The following SCN2A variants were observed in gnomAD, a reference collection of about 807,000 sequenced individuals.
SCN2A encodes the protein sodium channel protein type 2 subunit alpha.
SCN2A carries 20 observed loss-of-function variants against 188.7 expected under a neutral mutation model. The observed-to-expected ratio is 0.11, with a 90% confidence interval of 0.07 to 0.15. The LOEUF (loss-of-function observed/expected upper bound fraction) is 0.15. Ranked by LOEUF, SCN2A falls within the 10% of genes least tolerant of loss-of-function variation. The probability of loss-of-function intolerance (pLI) is 1.00; values close to 1 mark genes in which losing one functional copy is unlikely to be tolerated. For missense variants in SCN2A, 1,278 were observed against 2,445.0 expected (o/e 0.52, Z 10.07); for synonymous variants, 804 against 833.1 (o/e 0.97, Z 0.60).
chr2:165,322,255 T>G (rs1190106037), intron 11 of SCN2A, among the ~76,000 whole-genome samples: 2 of 152,200 alleles, frequency 1.3e-5, no homozygotes, highest in East Asian at 3.9e-4. Flanking sequence ...CAGGATTTCA[T>G]GACCATCTTT....
At chr2:165,370,865 A>G (rs1182895492) in intron 20 of SCN2A, 2 of 155,606 alleles carry the variant, frequency 1.3e-5, no homozygotes, top group African/African-American at 4.8e-5. Context: ...GAGGGTTTTT[A>G]TATAATTGAA....
Position 165,391,406 on chromosome 2 carries a change from C to G in SCN2A, c.*1582C>G, listed in dbSNP as rs1039977248. On this transcript the variant is annotated 3_prime_UTR_variant, in exon 27 of 27. Transcript: ENST00000375437. ...AAGTTCATTTTATTTTATTTTTCAGCCTTTTGTACGTAAAATGAGAAATTA... is the reference window on the plus strand; with the variant it reads ...AAGTTCATTTTATTTTATTTTTCAGGCTTTTGTACGTAAAATGAGAAATTA... 3.3e-5 allele frequency: 5 copies of G among 152,432 alleles called. No individual in the cohort carries two copies. The highest frequency in any genetic ancestry group is 7.4e-5 in the Non-Finnish European group (5 of 67,970). The allele number at this position is 152,432 out of a possible 1,614,324, so 9.4% of individuals were successfully genotyped here.
At position 165,389,984 on chromosome 2, in the gene SCN2A, G is replaced by GTCAGCAAACTGGAAC; in HGVS notation, c.*165_*179dup. Reference sequence around the variant, plus strand: ...GCCTATAACAAGACAGAGACCTCTGGTCAGCAAACTGGAACTCAGTAAACT... The same window carrying GTCAGCAAACTGGAAC: ...GCCTATAACAAGACAGAGACCTCTGGTCAGCAAACTGGAACTCAGCAAACTGGAACTCAGTAAACT... On this transcript the variant is annotated 3_prime_UTR_variant, in exon 27 of 27. Coordinates refer to ENST00000375437, the MANE Select transcript of SCN2A (RefSeq NM_001040142.2). This position sits in a 1 kb window ranked among gnomAD's most constrained non-coding sequence, Gnocchi z 4.2. 8.2e-7 allele frequency: 1 copy of GTCAGCAAACTGGAAC among 1,216,434 alleles called. No individual in the cohort carries two copies. The highest frequency in any genetic ancestry group is 1.6e-5 in the South Asian group (1 of 63,128). 75.4% of individuals were successfully genotyped at this position (1,216,434 alleles called of 1,614,324 possible). A position where few individuals can be genotyped will look rare whatever the true frequency, so the allele number is the denominator to read the frequency against.
At chr2:165,360,736 C>T (rs1700419033) in intron 17 of SCN2A, among the ~76,000 whole-genome samples, 1 of 151,846 alleles carries the variant, frequency 6.6e-6, no homozygotes, top group Non-Finnish European at 1.5e-5. Flanking sequence ...TAAATAAGTA[C>T]AGGTAATTAA....
chr2:165,308,479 C>T (rs1697256893), intron 4 of SCN2A, among the ~76,000 whole-genome samples, 187 bp from the exon 5 acceptor site: 1 of 152,100 alleles, frequency 6.6e-6, no homozygotes, highest in Non-Finnish European at 1.5e-5. Flanking sequence ...CATTTATTTA[C>T]AGTCAATGAG....
intron 11 of SCN2A, among the ~76,000 whole-genome samples, chr2:165,322,587 A>G (rs912141324): frequency 1.3e-5 from 2 of 152,208 alleles, no homozygotes; most frequent in African/African-American, 4.8e-5. Flanking sequence ...TTTATTCATG[A>G]AGACCATCAT....
chr2:165,334,671 AG>A, intron 14 of SCN2A, among the ~76,000 whole-genome samples: 1 of 151,940 alleles, frequency 6.6e-6, no homozygotes, highest in African/African-American at 2.4e-5. Context: ...CATTCTTAAT[AG>A]TTACTTTAGA....
At position 165,313,710 on chromosome 2, in the gene SCN2A, G is replaced by C; in HGVS notation, c.1125G>C (p.Leu375Phe). The C allele has an allele frequency of 6.2e-7, 1 of 1,613,572 alleles. No individual in the cohort carries two copies. Among genetic ancestry groups the C allele is most frequent in the Non-Finnish European group, 8.5e-7 (1 of 1,179,656 alleles). ...TSFDTFSWAF[L>F]SLFRLMTQDF... ...TTGACACCTTTAGTTGGGCCTTTTT[G>C]TCCTTATTTCGTCTCATGACTCAAG... Residue 375 changes from leucine (L) to phenylalanine (F), a missense_variant, in exon 9 of 27, where the codon TTG (leucine) becomes TTC (phenylalanine). Leu to Phe is a conservative substitution (Grantham distance 22, BLOSUM62 0). This residue lies in a region of SCN2A where 42 missense variants were observed against 137.3 expected (regional missense o/e 0.31). Coordinates refer to ENST00000375437, the MANE Select transcript of SCN2A (RefSeq NM_001040142.2).
At chr2:165,356,929 A>G (rs1700209991) in intron 17 of SCN2A, among the ~76,000 whole-genome samples, 1 of 152,194 alleles carries the variant, frequency 6.6e-6, no homozygotes, top group Non-Finnish European at 1.5e-5. Flanking sequence ...TTGTGAATTC[A>G]GTATTTCAGA....
intron 1 of SCN2A, among the ~76,000 whole-genome samples, chr2:165,291,436 C>CTTTCTT (rs1553563559): frequency 2.4e-4 from 16 of 65,432 alleles, no homozygotes; most frequent in African/African-American, 7.6e-4. Context: ...GTCTTTCTTT[C>CTTTCTT]TCTTTCTTTC....
chr2:165,388,134 G>A (rs931877210), intron 26 of SCN2A, among the ~76,000 whole-genome samples: 8 of 152,088 alleles, frequency 5.3e-5, no homozygotes, highest in African/African-American at 1.2e-4. Context: ...ATAAAAGCAA[G>A]TGCCAGGATT....
intron 1 of SCN2A, among the ~76,000 whole-genome samples, chr2:165,266,156 C>A (rs551102569): frequency 1.4e-4 from 21 of 152,092 alleles, no homozygotes; most frequent in Non-Finnish European, 2.6e-4. Flanking sequence ...AAGAATAATA[C>A]ATATATTTGT....
Position 165,389,052 on chromosome 2 carries a change from C to T in SCN2A, c.5246C>T (p.Pro1749Leu), listed in dbSNP as rs868707383. Reference sequence around the variant, plus strand: ...TCAGTTAAAGGAGACTGTGGGAACCCATCTGTTGGGATTTTCTTTTTTGTC... The same window carrying T: ...TCAGTTAAAGGAGACTGTGGGAACCTATCTGTTGGGATTTTCTTTTTTGTC... ...GSSVKGDCGNPSVGIFFFVSY... is the reference protein window; with the variant it reads ...GSSVKGDCGNLSVGIFFFVSY... The change falls in exon 27 of 27, where the codon CCA becomes CTA. Residue 1749 changes from proline to leucine, a missense_variant. Coordinates refer to ENST00000375437, the MANE Select transcript of SCN2A (RefSeq NM_001040142.2). The surrounding 1 kb of genome is among the most constrained non-coding windows in gnomAD (Gnocchi z 4.2). 2 of 1,614,066 alleles carry T rather than the reference C, an allele frequency of 1.2e-6. No homozygotes were observed. The highest frequency in any genetic ancestry group is 2.2e-5 in the East Asian group (1 of 44,874).
intron 1 of SCN2A, among the ~76,000 whole-genome samples, chr2:165,258,424 C>G (rs913472916): frequency 6.6e-6 from 1 of 152,144 alleles, no homozygotes; most frequent in Non-Finnish European, 1.5e-5. Context: ...ACAGGAAGTC[C>G]TTTGTCCGTT....
intron 20 of SCN2A, chr2:165,371,531 G>A (rs1253085637): frequency 1.3e-5 from 2 of 152,168 alleles, no homozygotes; most frequent in Non-Finnish European, 2.9e-5. Context: ...GTGTGAGCTG[G>A]AGCTTGAGAG....
At chr2:165,356,772 A>G (rs1211360526) in intron 17 of SCN2A, among the ~76,000 whole-genome samples, 1 of 152,166 alleles carries the variant, frequency 6.6e-6, no homozygotes, top group African/African-American at 2.4e-5. Context: ...TTTTGCCTTA[A>G]CTTAAGCCAT....
intron 17 of SCN2A, among the ~76,000 whole-genome samples, chr2:165,361,523 A>G (rs551083129): frequency 6.6e-6 from 1 of 152,194 alleles, no homozygotes; most frequent in East Asian, 1.9e-4. Flanking sequence ...ACTTTTCACA[A>G]GACGATAAAA....
intron 1 of SCN2A, among the ~76,000 whole-genome samples, chr2:165,256,370 AT>A (rs1267235467): frequency 2.0e-5 from 3 of 152,130 alleles, no homozygotes; most frequent in African/African-American, 7.2e-5. Context: ...TTGTTAAAAG[AT>A]TTCATTTGTT....
At chr2:165,260,379 T>C (rs964666348) in intron 1 of SCN2A, among the ~76,000 whole-genome samples, 2 of 152,192 alleles carry the variant, frequency 1.3e-5, no homozygotes, top group African/African-American at 4.8e-5. Flanking sequence ...TGAGCAGTAA[T>C]ATTTTGAAAA....
Sources: allele counts gnomAD v4.1 joint callset (sites outside exome capture counted in the v4.1 genomes callset), GRCh38; gene constraint gnomAD v4.1.1; regional missense constraint gnomAD v4.1.1; non-coding constraint Gnocchi (gnomAD v3.1); transcripts MANE v1.5; gene names NCBI Gene and HGNC (gene_info 2026-07-23, HGNC 2026-07-21).